Variants in ATP8B4 observed in about 807,000 individuals in gnomAD.
ATP8B4 encodes the protein ATPase phospholipid transporting 8B4 (putative).
Under a neutral mutation model 145.6 loss-of-function variants are expected in ATP8B4, and 133 were observed. The observed-to-expected ratio is 0.91, with a 90% CI of 0.79 to 1.05. The LOEUF (loss-of-function observed/expected upper bound fraction) is 1.05, where lower values mean the gene tolerates loss of function less well. Among genes scored for constraint, ATP8B4 ranks in the 50% least tolerant of loss-of-function variants. The pLI, the probability that ATP8B4 is intolerant of heterozygous loss-of-function variation, is 0.00. For missense variants in ATP8B4, 1,458 were observed against 1,425.2 expected, an observed-to-expected ratio of 1.02 and a Z score of -0.37; for synonymous variants, 507 against 492.9, an observed-to-expected ratio of 1.03 and a Z score of -0.38.
rs140542621 is a variant in ATP8B4 at position 49,881,924 on chromosome 15, T to C, written c.2698-2465A>G. Among the ~76,000 whole-genome samples, 54 of 152,326 alleles carry C rather than the reference T, an allele frequency of 3.5e-4. No individual in the cohort carries two copies. In the East Asian group the frequency reaches 9.8e-3, roughly 28 times the overall value. ...GAAGAGAATTAGAACTTAATAACTATCTCAAGGCCTAGGATAATGCGATCC... is the reference window on the plus strand; with the variant it reads ...GAAGAGAATTAGAACTTAATAACTACCTCAAGGCCTAGGATAATGCGATCC... On this transcript the variant is annotated intron_variant, in intron 23 of 27. Coordinates refer to ENST00000284509, the MANE Select transcript of ATP8B4 (RefSeq NM_024837.4).
intron 1 of ATP8B4, among the ~76,000 whole-genome samples, chr15:50,180,922 A>T (rs1252767461): frequency 6.6e-6 from 1 of 152,224 alleles, no homozygotes; most frequent in Non-Finnish European, 1.5e-5. Flanking sequence ...ACACACCGAA[A>T]AAAAAAGAGG....
At chr15:50,072,978 CTCTATATATATATATATA>C (rs2053903403) in intron 3 of ATP8B4, among the ~76,000 whole-genome samples, 1 of 21,468 alleles carries the variant, frequency 4.7e-5, no homozygotes, top group Admixed American at 6.6e-4. Flanking sequence ...CTCTCTCTCT[CTCTATATATATATATATA>C]TATATATATA....
intron 14 of ATP8B4, among the ~76,000 whole-genome samples, chr15:49,958,651 T>C (rs1024082561): frequency 6.6e-6 from 1 of 151,876 alleles, no homozygotes; most frequent in African/African-American, 2.4e-5. Context: ...TTATGAGTCT[T>C]TGTAAATAAA....
chr15:50,084,894 T>C (rs2054794023), intron 2 of ATP8B4, among the ~76,000 whole-genome samples: 1 of 152,174 alleles, frequency 6.6e-6, no homozygotes, highest in South Asian at 2.1e-4. Context: ...CCTCCATCAT[T>C]CAGGATATTC....
At chr15:50,094,610 GTATA>G (rs2055837767) in intron 2 of ATP8B4, among the ~76,000 whole-genome samples, 1 of 143,174 alleles carries the variant, frequency 7.0e-6, no homozygotes, top group African/African-American at 2.6e-5. Context: ...ACATATATAC[GTATA>G]TACACATATA....
intron 23 of ATP8B4, among the ~76,000 whole-genome samples, chr15:49,882,935 A>C (rs2035645892): frequency 6.6e-6 from 1 of 152,192 alleles, no homozygotes; most frequent in African/African-American, 2.4e-5. Flanking sequence ...AATGATAAAA[A>C]ATTTAAAAAT....
At chr15:49,885,739 C>A (rs1254358520) in intron 23 of ATP8B4, 1 of 49,948 alleles carries the variant, frequency 2.0e-5, no homozygotes, top group Non-Finnish European at 6.2e-5. Flanking sequence ...CACATCCACC[C>A]CAGCATCCAA....
At chr15:49,924,935 C>G (rs943807954) in intron 16 of ATP8B4, among the ~76,000 whole-genome samples, 2 of 152,142 alleles carry the variant, frequency 1.3e-5, no homozygotes, top group Non-Finnish European at 2.9e-5. Context: ...TGAATAATTT[C>G]CCTTATATTT....
intron 1 of ATP8B4, among the ~76,000 whole-genome samples, chr15:50,142,063 T>C (rs2153679921): frequency 6.6e-6 from 1 of 151,514 alleles, no homozygotes; most frequent in South Asian, 2.1e-4. Context: ...GTGGACAGAA[T>C]GTACAAAGGC....
chr15:49,923,640 T>C, intron 16 of ATP8B4, 146 bp from the exon 17 acceptor site: 1 of 552,260 alleles, frequency 1.8e-6, no homozygotes, highest in Non-Finnish European at 3.2e-6. Flanking sequence ...GGTTAGGTCA[T>C]TACCTAAGTC....
intron 1 of ATP8B4, among the ~76,000 whole-genome samples, chr15:50,115,925 T>C (rs2153675054): frequency 6.6e-6 from 1 of 152,350 alleles, no homozygotes; most frequent in African/African-American, 2.4e-5. Context: ...CTAAGTAGAA[T>C]GGCACAATTA....
chr15:49,957,554 T>C (rs1254184264), intron 14 of ATP8B4, among the ~76,000 whole-genome samples: 1 of 152,036 alleles, frequency 6.6e-6, no homozygotes, highest in Admixed American at 6.6e-5. Flanking sequence ...ACAAAAGATA[T>C]ACCTAAATCA....
At chr15:49,981,348 T>G in intron 10 of ATP8B4, 54 bp from the exon 11 acceptor site, 2 of 1,330,728 alleles carry the variant, frequency 1.5e-6, no homozygotes, top group Non-Finnish European at 2.1e-6. Context: ...TATGTATTCT[T>G]ATTAATGCTC....
intron 25 of ATP8B4, among the ~76,000 whole-genome samples, chr15:49,872,119 C>T (rs868841010): frequency 1.6e-4 from 24 of 152,288 alleles, no homozygotes; most frequent in Middle Eastern, 6.8e-3. Flanking sequence ...TACCCAAAGC[C>T]CAGTAATAAT....
chr15:50,161,619 C>G (rs1331908219), intron 1 of ATP8B4, among the ~76,000 whole-genome samples: 7 of 149,946 alleles, frequency 4.7e-5, no homozygotes, highest in African/African-American at 1.7e-4. Flanking sequence ...ATTGCATAAA[C>G]AAACAAGCAA....
chr15:49,904,382 C>T (rs1027406523), intron 20 of ATP8B4, among the ~76,000 whole-genome samples: 1 of 152,146 alleles, frequency 6.6e-6, no homozygotes, highest in African/African-American at 2.4e-5. Flanking sequence ...TGAAATGGGA[C>T]CAGCCAGTCA....
intron 1 of ATP8B4, among the ~76,000 whole-genome samples, chr15:50,144,614 C>A (rs1001657881): frequency 2.6e-5 from 4 of 152,186 alleles, no homozygotes; most frequent in South Asian, 2.1e-4. Flanking sequence ...TCCCTTGACA[C>A]ATGAGGATTA....
Position 50,158,363 on chromosome 15 carries a change from C to T in ATP8B4, c.-43+23898G>A, listed in dbSNP as rs577781680. ...CTGGGAAGTGAGGAGCGTCTCCGCC[C>T]GGCAGCCACCCCATCCGGGAGGGAG... On this transcript the variant is annotated intron_variant, in intron 1 of 3. Transcript: ENST00000558829. Among the ~76,000 whole-genome samples, 392 of 149,484 alleles carry T rather than the reference C, an allele frequency of 2.6e-3. 1 individual carries two copies. The highest frequency in any genetic ancestry group is 8.9e-3 in the African/African-American group (361 of 40,664).
intron 6 of ATP8B4, among the ~76,000 whole-genome samples, chr15:50,029,255 A>AAAAAAAAAAAC (rs776952913): frequency 6.7e-4 from 94 of 141,060 alleles, no homozygotes; most frequent in Non-Finnish European, 1.0e-3. Flanking sequence ...AAAAAAAAAA[A>AAAAAAAAAAAC]AACAGAAAAA....
Sources: allele counts gnomAD v4.1 joint callset (sites outside exome capture counted in the v4.1 genomes callset), GRCh38; gene constraint gnomAD v4.1.1; transcripts MANE v1.5; gene names NCBI Gene and HGNC (gene_info 2026-07-23, HGNC 2026-07-21).